Variants in CCDC172 observed in about 807,000 individuals in gnomAD.
The protein encoded by CCDC172 is coiled-coil domain-containing protein 172.
CCDC172 carries 30 observed loss-of-function variants against 38.0 expected under a neutral mutation model. The observed-to-expected ratio is 0.79, with a 90% CI of 0.59 to 1.07. CCDC172 has a LOEUF of 1.07. Ranked by LOEUF, CCDC172 falls within the 50% of genes least tolerant of loss-of-function variation. The pLI, the probability that CCDC172 is intolerant of heterozygous loss-of-function variation, is 0.00. For missense variants in CCDC172, 297 were observed against 290.1 expected, an observed-to-expected ratio of 1.02 and a Z score of -0.17; for synonymous variants, 78 against 88.3, an observed-to-expected ratio of 0.88 and a Z score of 0.66.
At chr10:116,325,887 G>C (rs1414486894) in intron 3 of CCDC172, among the ~76,000 whole-genome samples, 1 of 152,142 alleles carries the variant, frequency 6.6e-6, no homozygotes, top group African/African-American at 2.4e-5. Context: ...CGTTTGTAAT[G>C]TTCTGTTATT....
chr10:116,342,013 G>A (rs1844800728), intron 4 of CCDC172, 23 bp from the exon 5 acceptor site: 1 of 1,423,994 alleles, frequency 7.0e-7, no homozygotes, highest in African/African-American at 1.5e-5. Context: ...ACCTATATTT[G>A]ATCTTTTATT....
At chr10:116,329,968 C>T (rs73374915) in intron 3 of CCDC172, among the ~76,000 whole-genome samples, 16,937 of 152,070 alleles carry the variant, frequency 0.11, 1,109 homozygotes, top group East Asian at 0.22. Flanking sequence ...TTTTATATTC[C>T]GAAGTGCCAC....
intron 5 of CCDC172, among the ~76,000 whole-genome samples, chr10:116,349,974 G>A (rs1844911661): frequency 6.6e-6 from 1 of 152,154 alleles, no homozygotes. Flanking sequence ...GTGAATACCT[G>A]GGGGAATATC....
At chr10:116,342,307 T>C in intron 5 of CCDC172, 106 bp downstream of exon 5, 1 of 838,190 alleles carries the variant, frequency 1.2e-6, no homozygotes, top group Non-Finnish European at 1.8e-6. Context: ...ATTGGGTTAT[T>C]GCATAGCGAT....
intron 5 of CCDC172, among the ~76,000 whole-genome samples, chr10:116,346,920 T>G (rs1295928070): frequency 6.6e-6 from 1 of 152,114 alleles, no homozygotes; most frequent in East Asian, 1.9e-4. Flanking sequence ...GATGACTGCT[T>G]CAAAAGGAGA....
intron 4 of CCDC172, among the ~76,000 whole-genome samples, 161 bp from the exon 5 acceptor site, chr10:116,341,875 A>G (rs1844799092): frequency 6.6e-6 from 1 of 151,852 alleles, no homozygotes; most frequent in Non-Finnish European, 1.5e-5. Context: ...TCAGTTTTTT[A>G]TTAATATTAC....
intron 3 of CCDC172, among the ~76,000 whole-genome samples, chr10:116,337,401 C>T (rs1441919512): frequency 2.0e-5 from 3 of 152,044 alleles, no homozygotes; most frequent in Non-Finnish European, 4.4e-5. Context: ...CCACCCGTCT[C>T]GGCCTCCCAA....
At chr10:116,369,585 A>G (rs1845162085) in intron 7 of CCDC172, among the ~76,000 whole-genome samples, 1 of 152,022 alleles carries the variant, frequency 6.6e-6, no homozygotes, top group African/African-American at 2.4e-5. Flanking sequence ...CTTCATTGTA[A>G]TAGATGTACT....
chr10:116,337,489 C>T (rs1314911927), intron 3 of CCDC172, among the ~76,000 whole-genome samples: 1 of 152,026 alleles, frequency 6.6e-6, no homozygotes, highest in Admixed American at 6.6e-5. Context: ...TTTTTCATTT[C>T]TAGTAGGAGG....
chr10:116,354,904 C>T (rs1844976452), intron 5 of CCDC172, among the ~76,000 whole-genome samples: 1 of 152,156 alleles, frequency 6.6e-6, no homozygotes, highest in East Asian at 1.9e-4. Context: ...GTATTTGTGT[C>T]TTCGTTTTTT....
intron 3 of CCDC172, among the ~76,000 whole-genome samples, chr10:116,326,863 A>G (rs969329568): frequency 6.6e-6 from 1 of 152,206 alleles, no homozygotes; most frequent in Non-Finnish European, 1.5e-5. Context: ...ACGGTTATTC[A>G]GTGAGATCCT....
At chr10:116,327,428 T>A (rs1343684006) in intron 3 of CCDC172, among the ~76,000 whole-genome samples, 1 of 152,128 alleles carries the variant, frequency 6.6e-6, no homozygotes, top group Non-Finnish European at 1.5e-5. Flanking sequence ...GATATTGACC[T>A]GATATAATAT....
intron 7 of CCDC172, among the ~76,000 whole-genome samples, chr10:116,367,200 T>C (rs1589958680): frequency 6.6e-6 from 1 of 152,162 alleles, no homozygotes; most frequent in African/African-American, 2.4e-5. Flanking sequence ...CATTTTTGTT[T>C]CTTGGTTAAC....
intron 5 of CCDC172, among the ~76,000 whole-genome samples, chr10:116,345,275 A>G (rs1844851763): frequency 6.6e-6 from 1 of 152,220 alleles, no homozygotes; most frequent in African/African-American, 2.4e-5. Flanking sequence ...AAGTGGTGCT[A>G]GAAGAATTGG....
intron 7 of CCDC172, among the ~76,000 whole-genome samples, 190 bp downstream of exon 7, chr10:116,358,128 C>A (rs902842464): frequency 1.3e-5 from 2 of 152,056 alleles, no homozygotes; most frequent in African/African-American, 4.8e-5. Context: ...CACATAAGTT[C>A]ATGATGCGTT....
intron 7 of CCDC172, among the ~76,000 whole-genome samples, chr10:116,376,361 T>C (rs1313881516): frequency 6.6e-6 from 1 of 152,162 alleles, no homozygotes; most frequent in Non-Finnish European, 1.5e-5. Context: ...GAGAGCAATG[T>C]TGTTCCTCAT....
chr10:116,346,583 G>C (rs1435182702), intron 5 of CCDC172, among the ~76,000 whole-genome samples: 2 of 151,648 alleles, frequency 1.3e-5, no homozygotes, highest in Non-Finnish European at 2.9e-5. Context: ...AGGTGTCAGT[G>C]ACTGTCAAAA....
intron 7 of CCDC172, among the ~76,000 whole-genome samples, chr10:116,371,102 T>C (rs1845181232): frequency 6.6e-6 from 1 of 151,932 alleles, no homozygotes; most frequent in Non-Finnish European, 1.5e-5. Flanking sequence ...ATAAAGGTAA[T>C]GGGCATCCTT....
chr10:116,346,109 A>G (rs1844863378), intron 5 of CCDC172, among the ~76,000 whole-genome samples: 2 of 152,060 alleles, frequency 1.3e-5, no homozygotes, highest in Admixed American at 6.6e-5. Flanking sequence ...CCTGGCCAAC[A>G]TAGTGAAACC....
Sources: gnomAD v4.1 joint callset for allele counts (sites outside exome capture counted in the v4.1 genomes callset) on GRCh38, gnomAD v4.1.1 for gene constraint, MANE v1.5 for transcripts, NCBI Gene and HGNC (gene_info 2026-07-23, HGNC 2026-07-21) for gene names.